ZNF423: variants seen among roughly 807,000 people sequenced by gnomAD.
The protein encoded by ZNF423 is Ebf-associated zinc finger protein.
ZNF423 carries 12 observed loss-of-function variants against 95.8 expected under a neutral mutation model. The ratio of observed to expected loss-of-function variants is 0.13; its 90% CI spans 0.08 to 0.20. ZNF423 has a LOEUF of 0.20. Among genes scored for constraint, ZNF423 ranks in the 10% least tolerant of loss-of-function variants. ZNF423 has a pLI of 1.00. For missense variants in ZNF423, 1,316 were observed against 1,737.1 expected (o/e 0.76, Z 4.31); for synonymous variants, 749 against 711.9 (o/e 1.05, Z -0.83).
At chr16:49,535,813 C>T (rs899798254) in intron 5 of ZNF423, among the ~76,000 whole-genome samples, 2 of 152,184 alleles carry the variant, frequency 1.3e-5, no homozygotes, top group Non-Finnish European at 2.9e-5. Context: ...ACTCATCAAA[C>T]ACCTACTGAT....
At chr16:49,703,160 A>C (rs1219575352) in intron 3 of ZNF423, among the ~76,000 whole-genome samples, 1 of 152,180 alleles carries the variant, frequency 6.6e-6, no homozygotes, top group Non-Finnish European at 1.5e-5. Context: ...GTGCACCAGG[A>C]CCAGAGAGGC....
Position 49,845,035 on chromosome 16 carries a change from CAAAAAAAAAAAA to C in ZNF423, c.40+10688_40+10699del, listed in dbSNP as rs71138011. 2.4e-4 allele frequency among the ~76,000 whole-genome samples: 15 copies of C among 63,512 alleles called. 1 individual carries two copies. Among genetic ancestry groups the C allele is most frequent in the East Asian group, 1.2e-3 (2 of 1,672 alleles). The allele number at this position is 63,512 out of a possible 152,430, so 41.7% of individuals were successfully genotyped here. On this transcript the variant is annotated intron_variant, in intron 1 of 7. Coordinates refer to ENST00000563137, the MANE Select transcript of ZNF423 (RefSeq NM_001379286.1). Reference sequence around the variant, plus strand: ...GGGCATCAAGAGCGAAACTCCATCTCAAAAAAAAAAAAAAAAAAAAAAAAAAAACAAATCTTT... The same window carrying C: ...GGGCATCAAGAGCGAAACTCCATCTCAAAAAAAAAAAAAAAACAAATCTTT...
chr16:49,578,973 C>T (rs906959987), intron 5 of ZNF423, among the ~76,000 whole-genome samples: 3 of 152,124 alleles, frequency 2.0e-5, no homozygotes, highest in East Asian at 1.9e-4. Flanking sequence ...TTATTTTCCC[C>T]GCTTCCTCTG....
At chr16:49,598,826 TAA>T (rs2151827730) in intron 5 of ZNF423, among the ~76,000 whole-genome samples, 1 of 152,370 alleles carries the variant, frequency 6.6e-6, no homozygotes, top group Non-Finnish European at 1.5e-5. Context: ...AGATGGTTTA[TAA>T]CTACTGCAGC....
chr16:49,785,359 G>A (rs779620823), intron 2 of ZNF423, among the ~76,000 whole-genome samples: 16 of 152,190 alleles, frequency 1.1e-4, no homozygotes, highest in Non-Finnish European at 2.2e-4. Context: ...GGGATTACAG[G>A]CATGAGCTAC....
At chr16:49,594,461 G>A (rs1361648095) in intron 5 of ZNF423, among the ~76,000 whole-genome samples, 3 of 151,948 alleles carry the variant, frequency 2.0e-5, no homozygotes, top group African/African-American at 7.3e-5. Flanking sequence ...GACACAAACA[G>A]AAAAACACAG....
chr16:49,745,628 G>T (rs4785339), intron 2 of ZNF423, among the ~76,000 whole-genome samples: 5 of 152,144 alleles, frequency 3.3e-5, no homozygotes, highest in African/African-American at 1.2e-4. Flanking sequence ...TGGTCTTCCC[G>T]TTCGCAGCGT....
At chr16:49,506,327 T>G (rs1967636963) in intron 7 of ZNF423, among the ~76,000 whole-genome samples, 1 of 151,754 alleles carries the variant, frequency 6.6e-6, no homozygotes, top group Admixed American at 6.6e-5. Context: ...GGTAGACGGA[T>G]GATGGACAGA....
intron 5 of ZNF423, among the ~76,000 whole-genome samples, chr16:49,567,451 G>C (rs1970228026): frequency 1.3e-5 from 2 of 152,142 alleles, no homozygotes; most frequent in African/African-American, 2.4e-5. Flanking sequence ...GCGCTGCCCA[G>C]ATAGAATCAG....
chr16:49,859,116 T>A (rs1437464386), upstream of ZNF423, among the ~76,000 whole-genome samples: 1 of 151,260 alleles, frequency 6.6e-6, no homozygotes, highest in Non-Finnish European at 1.5e-5. Context: ...GGAATGCGTG[T>A]GCGGGACGAA....
chr16:49,596,563 T>A (rs1002834217), intron 5 of ZNF423, among the ~76,000 whole-genome samples: 2 of 152,234 alleles, frequency 1.3e-5, no homozygotes, highest in African/African-American at 4.8e-5. Flanking sequence ...AGCAGGCGAT[T>A]TTTCTAGTCA....
At chr16:49,633,758 T>C (rs933021290) in intron 4 of ZNF423, among the ~76,000 whole-genome samples, 3 of 152,058 alleles carry the variant, frequency 2.0e-5, no homozygotes, top group Non-Finnish European at 4.4e-5. Context: ...CCTGGGGCCC[T>C]GTTTAGAACC....
At chr16:49,549,232 G>A (rs1411885348) in intron 5 of ZNF423, among the ~76,000 whole-genome samples, 2 of 152,200 alleles carry the variant, frequency 1.3e-5, no homozygotes, top group Non-Finnish European at 2.9e-5. Context: ...TGGGGGGCAG[G>A]AGAGATGGTC....
intron 2 of ZNF423, among the ~76,000 whole-genome samples, chr16:49,758,388 C>A (rs941281042): frequency 6.6e-6 from 1 of 152,192 alleles, no homozygotes; most frequent in African/African-American, 2.4e-5. Context: ...ATCCACCCCC[C>A]TCAGCCTCCC....
chr16:49,584,757 G>A (rs1970772180), intron 5 of ZNF423, among the ~76,000 whole-genome samples: 1 of 152,192 alleles, frequency 6.6e-6, no homozygotes, highest in Admixed American at 6.5e-5. Context: ...GGACACCAGT[G>A]AGATTGTATT....
intron 2 of ZNF423, among the ~76,000 whole-genome samples, chr16:49,732,336 A>G (rs557062728): frequency 2.0e-5 from 3 of 152,362 alleles, no homozygotes; most frequent in South Asian, 4.1e-4. Context: ...CCCACAGAAT[A>G]TATCAGTAAT....
intron 3 of ZNF423, among the ~76,000 whole-genome samples, chr16:49,691,680 C>T (rs1393751611): frequency 1.3e-5 from 2 of 151,518 alleles, no homozygotes; most frequent in Admixed American, 6.6e-5. Context: ...TGCAGTGAGC[C>T]GAGATCGCAC....
At chr16:49,600,203 T>G (rs1400033250) in intron 5 of ZNF423, among the ~76,000 whole-genome samples, 2 of 151,790 alleles carry the variant, frequency 1.3e-5, no homozygotes, top group South Asian at 2.1e-4. Flanking sequence ...TCCCAGCTAC[T>G]CAGGAGGCTG....
intron 5 of ZNF423, among the ~76,000 whole-genome samples, chr16:49,600,856 G>A (rs1009330528): frequency 6.6e-6 from 1 of 152,178 alleles, no homozygotes; most frequent in African/African-American, 2.4e-5. Context: ...CGTCGCTCAG[G>A]AGGGGCTCCG....
Sources: allele counts gnomAD v4.1 joint callset (sites outside exome capture counted in the v4.1 genomes callset), GRCh38; gene constraint gnomAD v4.1.1; transcripts MANE v1.5; gene names NCBI Gene and HGNC (gene_info 2026-07-23, HGNC 2026-07-21).